ZC3H11A: variants seen among roughly 807,000 people sequenced by gnomAD.
ZC3H11A encodes the protein zinc finger CCCH-type containing 11A, also known as zinc finger CCCH domain-containing protein 11A.
A neutral mutation model predicts 90.8 loss-of-function variants in ZC3H11A; 22 were observed. The ratio of observed to expected loss-of-function variants is 0.24; its 90% confidence interval spans 0.17 to 0.35. ZC3H11A has a LOEUF of 0.35. Ranked by LOEUF, ZC3H11A falls within the 10% of genes least tolerant of loss-of-function variation. The pLI is 1.00. For missense variants in ZC3H11A, 701 were observed against 964.9 expected (o/e 0.73, Z 3.62); for synonymous variants, 294 against 339.8 (o/e 0.87, Z 1.48).
chr1:203,804,152 GTT>G (rs74546279), intron 2 of ZC3H11A, among the ~76,000 whole-genome samples: 15,575 of 104,556 alleles, frequency 0.15, 696 homozygotes, highest in East Asian at 0.27. Context: ...CTGTATATGT[GTT>G]TTTTTTTTTT....
chr1:203,802,160 C>A lies in ZC3H11A; in HGVS notation c.-1002C>A, dbSNP rs1028642960. On this transcript the variant is annotated 5_prime_UTR_variant, in exon 2 of 18. Transcript: ENST00000367210. The stretch of plus-strand genomic sequence containing the variant: ...ACTCTGTAGTTACTCTATTACCATA[C>A]GTTTCTATCTTTTTTGGTTAAACAC... 1 of 152,542 alleles carries A rather than the reference C, an allele frequency of 6.6e-6. No individual in the cohort carries two copies. The highest frequency in any genetic ancestry group is 1.5e-5 in the Non-Finnish European group (1 of 68,026). The allele number at this position is 152,542 out of a possible 1,614,324, so 9.4% of individuals were successfully genotyped here.
In ZC3H11A at chr1:203,801,826, T is replaced by A. The variant is rs1670623382; in HGVS notation, c.-1336T>A. 6.6e-6 allele frequency: 1 copy of A among 152,370 alleles called. No individual in the cohort carries two copies. Among genetic ancestry groups the A allele is most frequent in the African/African-American group, 2.4e-5 (1 of 41,420 alleles). 9.4% of individuals were successfully genotyped at this position (152,370 alleles called of 1,614,324 possible). A position where few individuals can be genotyped will look rare whatever the true frequency, so the allele number is the denominator to read the frequency against. On this transcript the variant is annotated 5_prime_UTR_variant, in exon 2 of 18. Transcript: ENST00000367210. ...GTTTTTTTTGGTTTTGATTTTTTTT[T>A]TTTTTAAATTCTTAAATGGTAAATA... is the stretch of plus-strand genomic sequence containing the variant.
chr1:203,829,907 G>A lies in ZC3H11A; in HGVS notation c.619+11G>A, dbSNP rs2103015328. ...TCAATATAAAGCAAGGTAAGAAGAG[G>A]CTAGATTGGTGCCTCTTATAGCACT... On this transcript the variant is annotated intron_variant, in intron 7 of 17. Transcript: ENST00000367210. 1.2e-6 allele frequency: 2 copies of A among 1,609,970 alleles called. No individual in the cohort carries two copies. The highest frequency in any genetic ancestry group is 1.7e-6 in the Non-Finnish European group (2 of 1,176,278).
chr1:203,833,271 A>G (rs1394693634), intron 9 of ZC3H11A, among the ~76,000 whole-genome samples: 1 of 151,030 alleles, frequency 6.6e-6, no homozygotes, highest in Non-Finnish European at 1.5e-5. Context: ...AGGCTGAGGC[A>G]GGAGAATCGC....
chr1:203,799,013 T>C (rs1558087786), intron 1 of ZC3H11A: 3 of 1,536,046 alleles, frequency 2.0e-6, no homozygotes, highest in Non-Finnish European at 2.6e-6. Flanking sequence ...ACTATTTTAT[T>C]GTGACTGTAC....
chr1:203,808,655 A>C (rs1411954926), intron 2 of ZC3H11A, among the ~76,000 whole-genome samples: 2 of 152,052 alleles, frequency 1.3e-5, no homozygotes, highest in African/African-American at 4.8e-5. Flanking sequence ...GGATTCGTGG[A>C]GATGTCGTGT....
chr1:203,800,094 T>C (rs1447439509), intron 1 of ZC3H11A: 4 of 1,536,124 alleles, frequency 2.6e-6, no homozygotes, highest in Non-Finnish European at 3.5e-6. Context: ...AAGCAAAAGC[T>C]TCATGTTCCC....
chr1:203,841,585 CTCTT>C lies in ZC3H11A; in HGVS notation c.1042+1217_1042+1220del, dbSNP rs1168527828. 2.0e-5 allele frequency among the ~76,000 whole-genome samples: 3 copies of C among 152,372 alleles called. No individual in the cohort carries two copies. The East Asian group carries it at 5.8e-4, about 29-fold the overall frequency. On this transcript the variant is annotated intron_variant, in intron 12 of 17. Transcript: ENST00000367210. ...CACAGACACAGTAACAATCTGATCT[CTCTT>C]TCTTTTCCCCACATTTCCCCGTTTT... is the stretch of plus-strand genomic sequence containing the variant.
intron 1 of ZC3H11A, chr1:203,796,390 C>T: frequency 2.5e-6 from 1 of 399,018 alleles, no homozygotes; most frequent in Non-Finnish European, 4.4e-6. Flanking sequence ...CATTACACTC[C>T]CACCCCTGGC....
At chr1:203,806,219 T>C in intron 2 of ZC3H11A, 1 of 398,346 alleles carries the variant, frequency 2.5e-6, no homozygotes. Flanking sequence ...TCATTCAGGC[T>C]GGGCAGCGGA....
At chr1:203,846,168 G>GT (rs1687864012) in intron 12 of ZC3H11A, among the ~76,000 whole-genome samples, 1 of 147,064 alleles carries the variant, frequency 6.8e-6, no homozygotes, top group Non-Finnish European at 1.5e-5. Flanking sequence ...TTTGGGGGGG[G>GT]GGTTCATTAA....
intron 2 of ZC3H11A, among the ~76,000 whole-genome samples, chr1:203,810,568 C>T (rs1277238080): frequency 3.3e-5 from 5 of 151,590 alleles, no homozygotes; most frequent in Non-Finnish European, 4.4e-5. Flanking sequence ...CACAGGCGCC[C>T]ACCACCACGC....
intron 2 of ZC3H11A, among the ~76,000 whole-genome samples, chr1:203,812,310 G>A (rs1373499520): frequency 6.6e-6 from 1 of 152,042 alleles, no homozygotes; most frequent in East Asian, 1.9e-4. Flanking sequence ...AGTGTTTGTT[G>A]TTCCCCTCTA....
intron 10 of ZC3H11A, 32 bp downstream of exon 10, chr1:203,833,885 T>A (rs1171474305): frequency 5.0e-6 from 8 of 1,589,828 alleles, no homozygotes; most frequent in Non-Finnish European, 6.8e-6. Flanking sequence ...TCTTTTCTTT[T>A]CTACTTGTTT....
chr1:203,804,746 C>T (rs367784579), intron 2 of ZC3H11A, among the ~76,000 whole-genome samples: 108 of 149,456 alleles, frequency 7.2e-4, no homozygotes, highest in African/African-American at 2.6e-3. Context: ...TGTCTTGGCT[C>T]ATTGCAACCT....
intron 9 of ZC3H11A, 40 bp from the exon 10 acceptor site, chr1:203,833,751 A>G (rs1176081727): frequency 1.3e-6 from 2 of 1,583,694 alleles, no homozygotes; most frequent in African/African-American, 1.4e-5. Context: ...ATACAGAAAA[A>G]TTGACTAAGG....
chr1:203,797,042 G>C (rs1465087289), intron 1 of ZC3H11A: 1 of 153,384 alleles, frequency 6.5e-6, no homozygotes, highest in Middle Eastern at 3.4e-3. Flanking sequence ...GAGATTTCCT[G>C]AAAATAGTTA....
chr1:203,841,114 ACCT>A (rs1326294767), intron 12 of ZC3H11A, among the ~76,000 whole-genome samples: 2 of 148,898 alleles, frequency 1.3e-5, no homozygotes, highest in East Asian at 2.0e-4. Flanking sequence ...ACCACTTTTG[ACCT>A]CCTGATTTAG....
At chr1:203,824,801 C>CGGA (rs1558118276) in intron 4 of ZC3H11A, among the ~76,000 whole-genome samples, 1 of 152,014 alleles carries the variant, frequency 6.6e-6, no homozygotes, top group African/African-American at 2.4e-5. Context: ...ATTGTTAGGC[C>CGGA]GGACACGGTG....
Sources: allele counts gnomAD v4.1 joint callset (sites outside exome capture counted in the v4.1 genomes callset), GRCh38; gene constraint gnomAD v4.1.1; transcripts MANE v1.5; gene names NCBI Gene and HGNC (gene_info 2026-07-23, HGNC 2026-07-21).